The following WWOX variants were observed in gnomAD, a reference collection of about 807,000 sequenced individuals.
WWOX encodes WW domain-containing oxidoreductase.
A neutral mutation model predicts 46.2 loss-of-function variants in WWOX; 69 were observed. The ratio of observed to expected loss-of-function variants is 1.49; its 90% CI spans 1.23 to 1.82. The LOEUF (loss-of-function observed/expected upper bound fraction) is 1.82. WWOX is among the 40% of genes most tolerant of loss of function. The pLI is 0.00. For missense variants in WWOX, 919 were observed against 542.6 expected, an observed-to-expected ratio of 1.69 and a Z score of -6.89; for synonymous variants, 359 against 202.6, an observed-to-expected ratio of 1.77 and a Z score of -6.56.
intron 1 of WWOX, among the ~76,000 whole-genome samples, chr16:78,104,200 A>G (rs2151659066): frequency 1.3e-5 from 2 of 148,690 alleles, no homozygotes; most frequent in African/African-American, 5.0e-5. Flanking sequence ...CGTGAAGTCT[A>G]GATCTCCCTG....
At chr16:78,934,369 T>TGTGGTG (rs2045691140) in intron 8 of WWOX, among the ~76,000 whole-genome samples, 2 of 122,526 alleles carry the variant, frequency 1.6e-5, no homozygotes. Context: ...CTTAGCCAGG[T>TGTGGTG]GTGGTGGTGC....
chr16:78,981,511 C>T (rs1192041784), intron 8 of WWOX, among the ~76,000 whole-genome samples: 1 of 151,632 alleles, frequency 6.6e-6, no homozygotes, highest in African/African-American at 2.4e-5. Flanking sequence ...AATCTGGGCT[C>T]ACTGCAACCT....
At chr16:78,913,112 C>A (rs1032623466) in intron 8 of WWOX, among the ~76,000 whole-genome samples, 1 of 151,998 alleles carries the variant, frequency 6.6e-6, no homozygotes, top group African/African-American at 2.4e-5. Context: ...TGACATCCTG[C>A]CCTACCTCCT....
chr16:78,204,129 T>C (rs1247332482), intron 5 of WWOX, among the ~76,000 whole-genome samples: 2 of 152,220 alleles, frequency 1.3e-5, no homozygotes, highest in African/African-American at 4.8e-5. Flanking sequence ...AGCAAGAGCA[T>C]GTCTTTGAGA....
chr16:78,817,938 G>A (rs2051383674), intron 8 of WWOX, among the ~76,000 whole-genome samples: 1 of 152,162 alleles, frequency 6.6e-6, no homozygotes, highest in African/African-American at 2.4e-5. Flanking sequence ...GTGCAAGTTT[G>A]TTGTGAAGAA....
chr16:78,701,991 C>T (rs2048226727), intron 8 of WWOX, among the ~76,000 whole-genome samples: 1 of 104,540 alleles, frequency 9.6e-6, no homozygotes, highest in South Asian at 3.2e-4. Flanking sequence ...TGGAGACTAG[C>T]CTGGGCTACA....
intron 5 of WWOX, among the ~76,000 whole-genome samples, chr16:78,240,646 A>T (rs2037612227): frequency 6.6e-6 from 1 of 152,160 alleles, no homozygotes; most frequent in South Asian, 2.1e-4. Context: ...CTTTATCTAC[A>T]GTCTCTGGAA....
chr16:78,687,584 A>T (rs192928969), intron 8 of WWOX, among the ~76,000 whole-genome samples: 73 of 136,266 alleles, frequency 5.4e-4, no homozygotes, highest in Middle Eastern at 3.8e-3. Context: ...GGTAATGAAG[A>T]GAGAGAGACC....
intron 8 of WWOX, among the ~76,000 whole-genome samples, chr16:78,892,981 C>T (rs955017475): frequency 3.3e-5 from 5 of 152,146 alleles, no homozygotes; most frequent in African/African-American, 1.2e-4. Flanking sequence ...GCCTTGGATT[C>T]CTTCCTTCAA....
At chr16:78,816,596 C>G (rs575858614) in intron 8 of WWOX, among the ~76,000 whole-genome samples, 35 of 113,172 alleles carry the variant, frequency 3.1e-4, no homozygotes, top group African/African-American at 1.1e-3. Flanking sequence ...AAATTTTCAT[C>G]TTTTGGGTAC....
At chr16:79,015,533 T>C (rs2151380108) in intron 8 of WWOX, among the ~76,000 whole-genome samples, 1 of 152,252 alleles carries the variant, frequency 6.6e-6, no homozygotes, top group East Asian at 1.9e-4. Flanking sequence ...AGTCACTTCC[T>C]GGAGGGAAGC....
At chr16:78,639,899 A>G (rs904456625) in intron 8 of WWOX, among the ~76,000 whole-genome samples, 1 of 152,044 alleles carries the variant, frequency 6.6e-6, no homozygotes, top group African/African-American at 2.4e-5. Context: ...GAAGAGTAAT[A>G]GGAAGATAGA....
chr16:78,801,900 G>T (rs967266592), intron 8 of WWOX, among the ~76,000 whole-genome samples: 4 of 152,136 alleles, frequency 2.6e-5, no homozygotes. Flanking sequence ...AACTGGTTTT[G>T]TGATTTGGTG....
intron 5 of WWOX, among the ~76,000 whole-genome samples, chr16:78,184,475 AT>A (rs779355296): frequency 6.6e-6 from 1 of 151,928 alleles, no homozygotes; most frequent in Non-Finnish European, 1.5e-5. Context: ...TTTGTGGAGG[AT>A]TTATATGTGA....
intron 8 of WWOX, among the ~76,000 whole-genome samples, chr16:78,573,272 C>T (rs986277397): frequency 2.0e-5 from 3 of 152,150 alleles, no homozygotes; most frequent in South Asian, 4.1e-4. Context: ...GGCAACACAG[C>T]GTGACTCCAT....
rs59225171 is a variant in WWOX at position 78,829,086 on chromosome 16, A to AGATGGATGGATG, written c.1057-382487_1057-382476dup. On this transcript the variant is annotated intron_variant, in intron 8 of 8. Coordinates refer to ENST00000566780, the MANE Select transcript of WWOX (RefSeq NM_016373.4). ...CATCATAAGTCAGGGTCCATCTGGAAGATGGATGGATGGATGGATGGATGG... is the reference window on the plus strand; with the variant it reads ...CATCATAAGTCAGGGTCCATCTGGAAGATGGATGGATGGATGGATGGATGGATGGATGGATGG... Among the ~76,000 whole-genome samples the AGATGGATGGATG allele has an allele frequency of 5.5e-3, 812 of 147,722 alleles. 5 individuals carry two copies. Among genetic ancestry groups the AGATGGATGGATG allele is most frequent in the Non-Finnish European group, 6.5e-3 (437 of 67,288 alleles).
chr16:78,798,342 C>A (rs2050797656), intron 8 of WWOX, among the ~76,000 whole-genome samples: 1 of 152,058 alleles, frequency 6.6e-6, no homozygotes, highest in Non-Finnish European at 1.5e-5. Context: ...CTTGCCTTTC[C>A]CTAGCTAGAG....
chr16:78,631,384 A>G (rs1439739051), intron 8 of WWOX, among the ~76,000 whole-genome samples: 1 of 152,160 alleles, frequency 6.6e-6, no homozygotes, highest in Non-Finnish European at 1.5e-5. Flanking sequence ...ACAGAACTCA[A>G]ACTGACGATC....
At chr16:78,323,967 G>T (rs2080550340) in intron 5 of WWOX, among the ~76,000 whole-genome samples, 1 of 152,104 alleles carries the variant, frequency 6.6e-6, no homozygotes, top group Non-Finnish European at 1.5e-5. Flanking sequence ...CACTGTGCTA[G>T]GCATTTTTGG....
Sources: allele counts gnomAD v4.1 joint callset (sites outside exome capture counted in the v4.1 genomes callset), GRCh38; gene constraint gnomAD v4.1.1; transcripts MANE v1.5; gene names NCBI Gene and HGNC (gene_info 2026-07-23, HGNC 2026-07-21).